DOC2B: variants seen among roughly 807,000 people sequenced by gnomAD.
The protein encoded by DOC2B is double C2 domain beta, also known as double C2-like domain-containing protein beta.
In DOC2B, 21 loss-of-function variants were observed where a neutral mutation model predicts 28.9. The observed-to-expected ratio is 0.73, with a 90% CI of 0.52 to 1.05. The LOEUF is 1.05. DOC2B is among the 50% of genes least tolerant of loss of function. The pLI, the probability that DOC2B is intolerant of heterozygous loss-of-function variation, is 0.00. For missense variants in DOC2B, 384 were observed against 421.1 expected, an observed-to-expected ratio of 0.91 and a Z score of 0.77; for synonymous variants, 194 against 178.1, an observed-to-expected ratio of 1.09 and a Z score of -0.71.
intron 3 of DOC2B, chr17:163,542 A>C (rs2040227979): frequency 1.3e-5 from 2 of 152,394 alleles, no homozygotes; most frequent in African/African-American, 4.8e-5. Context: ...GCTCAAGGTC[A>C]CCTTGATGCT....
intron 6 of DOC2B, among the ~76,000 whole-genome samples, chr17:152,520 C>T (rs2040083924): frequency 6.6e-6 from 1 of 152,092 alleles, no homozygotes; most frequent in Non-Finnish European, 1.5e-5. Flanking sequence ...GTAATCCCAG[C>T]ACTTTGGGAG....
In DOC2B at chr17:156,311, A is replaced by G; in HGVS notation, c.832T>C (p.Ser278Pro). 9.7e-6 allele frequency: 15 copies of G among 1,551,580 alleles called. No individual in the cohort carries two copies. Among genetic ancestry groups the G allele is most frequent in the Non-Finnish European group, 1.2e-5 (14 of 1,146,964 alleles). The change falls in exon 6 of 9, where the codon TCA becomes CCA. Residue 278 changes from serine (S) to proline (P), a missense_variant. Coordinates refer to ENST00000613549, the MANE Select transcript of DOC2B (RefSeq NM_003585.5). The part of the protein sequence containing the change: ...GRILISLKYS[S>P]QKQGLLVGIV... ...CCTACCAGCAGGCCTTGCTTCTGTG[A>G]GCTGTACTTGAGGGAGATGAGGATG...
intron 1 of DOC2B, among the ~76,000 whole-genome samples, chr17:176,351 T>G (rs1437407218): frequency 1.3e-5 from 2 of 148,470 alleles, no homozygotes; most frequent in African/African-American, 5.1e-5. Flanking sequence ...CCCGGCTAAC[T>G]TAAAAAATAT....
intron 6 of DOC2B, among the ~76,000 whole-genome samples, chr17:155,400 A>C (rs555380837): frequency 4.8e-4 from 73 of 152,118 alleles, no homozygotes; most frequent in Non-Finnish European, 8.1e-4. Flanking sequence ...GATGTCCCTG[A>C]GGCCTTAGTC....
In DOC2B at chr17:144,059, G is replaced by C. The variant is rs2040002234; in HGVS notation, c.*3382C>G. 1 of 147,244 alleles carries C rather than the reference G, an allele frequency of 6.8e-6. No homozygotes were observed. The highest frequency in any genetic ancestry group is 1.5e-5 in the Non-Finnish European group (1 of 66,866). 9.1% of individuals were successfully genotyped at this position (147,244 alleles called of 1,614,324 possible). On this transcript the variant is annotated 3_prime_UTR_variant, in exon 9 of 9. Transcript: ENST00000613549. ...GGGGCTGGAAGACGGGCCCGTCGGG[G>C]ATTGGCGCAGGCGGCGGGCGGGGCG...
At chr17:153,514 C>A (rs903928360) in intron 6 of DOC2B, among the ~76,000 whole-genome samples, 1 of 152,164 alleles carries the variant, frequency 6.6e-6, no homozygotes, top group Admixed American at 6.5e-5. Context: ...ACCAGCCTGG[C>A]CAACATGGTG....
intron 7 of DOC2B, among the ~76,000 whole-genome samples, chr17:148,909 C>A (rs2040043876): frequency 6.6e-6 from 1 of 151,952 alleles, no homozygotes; most frequent in East Asian, 1.9e-4. Flanking sequence ...ACTTCCCTCC[C>A]CCCAGCCCTA....
intron 2 of DOC2B, among the ~76,000 whole-genome samples, chr17:170,535 G>T (rs2040300061): frequency 6.6e-6 from 1 of 152,128 alleles, no homozygotes; most frequent in Non-Finnish European, 1.5e-5. Context: ...CCTGGGCCCA[G>T]GCAGCTCTGT....
chr17:163,158 G>A (rs141338307), intron 3 of DOC2B, among the ~76,000 whole-genome samples: 2,092 of 152,150 alleles, frequency 0.014, 52 homozygotes, highest in African/African-American at 0.047. Flanking sequence ...CCTACAACTC[G>A]GCAGCCATGC....
At chr17:177,543 C>T (rs1567540588) in intron 1 of DOC2B, among the ~76,000 whole-genome samples, 1 of 152,240 alleles carries the variant, frequency 6.6e-6, no homozygotes, top group Non-Finnish European at 1.5e-5. Context: ...AGTCTTAGGG[C>T]TGAGCCCTCT....
intron 3 of DOC2B, among the ~76,000 whole-genome samples, chr17:162,587 G>A (rs1400623246): frequency 6.6e-6 from 1 of 152,236 alleles, no homozygotes; most frequent in African/African-American, 2.4e-5. Flanking sequence ...GGCTCCAGAA[G>A]GAATGCAGCC....
chr17:145,267 A>G lies in DOC2B; in HGVS notation c.*2174T>C, dbSNP rs1290599410. The G allele has an allele frequency of 1.3e-5, 2 of 152,168 alleles. No homozygotes were observed. The highest frequency in any genetic ancestry group is 4.8e-5 in the African/African-American group (2 of 41,418). 9.4% of individuals were successfully genotyped at this position (152,168 alleles called of 1,614,324 possible). On this transcript the variant is annotated 3_prime_UTR_variant, in exon 9 of 9. Transcript: ENST00000613549. ...GAGCCTTCACCTGGTGTCTCTGCTG[A>G]GTCTCCGACAGACCAAGAGGGAAGG...
At chr17:164,373 C>T (rs545481550) in intron 2 of DOC2B, among the ~76,000 whole-genome samples, 169 bp from the exon 3 acceptor site, 115 of 152,272 alleles carry the variant, frequency 7.6e-4, no homozygotes, top group South Asian at 1.7e-3. Flanking sequence ...GATGGCTCAA[C>T]GCTGATGCAA....
intron 5 of DOC2B, among the ~76,000 whole-genome samples, chr17:161,154 G>A (rs1597824269): frequency 6.6e-6 from 1 of 152,058 alleles, no homozygotes; most frequent in East Asian, 1.9e-4. Flanking sequence ...TCTTCTTCAA[G>A]CCATCCTGAG....
intron 1 of DOC2B, among the ~76,000 whole-genome samples, chr17:179,926 G>C (rs1486458175): frequency 6.6e-6 from 1 of 152,282 alleles, no homozygotes; most frequent in Non-Finnish European, 1.5e-5. Context: ...GGCGATGGGG[G>C]GTCTGTGCCC....
At chr17:162,327 T>C (rs756379194) in intron 3 of DOC2B, 137 bp from the exon 4 acceptor site, 8 of 686,888 alleles carry the variant, frequency 1.2e-5, no homozygotes, top group Admixed American at 2.2e-5. Context: ...AGGCTGCAGG[T>C]GGACTTAGGG....
At chr17:150,187 G>T (rs921180203) in intron 6 of DOC2B, among the ~76,000 whole-genome samples, 3 of 152,228 alleles carry the variant, frequency 2.0e-5, no homozygotes, top group East Asian at 1.9e-4. Flanking sequence ...AAGGGGACAA[G>T]AGGTCCCCAA....
chr17:161,393 G>C, intron 5 of DOC2B, 22 bp downstream of exon 5: 1 of 1,551,414 alleles, frequency 6.4e-7, no homozygotes, highest in Admixed American at 2.0e-5. Flanking sequence ...GTACACAGCA[G>C]GTGCTCAATC....
At position 147,348 on chromosome 17, in the gene DOC2B, G is replaced by A. The variant is rs1177889769; in HGVS notation, c.*93C>T. 2 of 398,118 alleles carry A rather than the reference G, an allele frequency of 5.0e-6. No individual in the cohort carries two copies. The highest frequency in any genetic ancestry group is 4.1e-5 in the African/African-American group (2 of 48,622). The allele number at this position is 398,118 out of a possible 1,614,324, so 24.7% of individuals were successfully genotyped here. On this transcript the variant is annotated 3_prime_UTR_variant, in exon 9 of 9. Transcript: ENST00000613549. ...GCAGGGGTTCTGGATCTCCCCCAGT[G>A]TGGGGGCCACAGGCCTTGGTGGCTG...
Sources: gnomAD v4.1 joint callset for allele counts (sites outside exome capture counted in the v4.1 genomes callset) on GRCh38, gnomAD v4.1.1 for gene constraint, MANE v1.5 for transcripts, NCBI Gene and HGNC (gene_info 2026-07-23, HGNC 2026-07-21) for gene names.